The following NECTIN2 variants were observed in gnomAD, a reference collection of about 807,000 sequenced individuals.
NECTIN2 encodes nectin cell adhesion molecule 2.
A neutral mutation model predicts 56.9 loss-of-function variants in NECTIN2; 23 were observed. The observed-to-expected ratio is 0.40, with a 90% confidence interval of 0.29 to 0.57. The LOEUF (loss-of-function observed/expected upper bound fraction) is 0.57, where lower values mean the gene tolerates loss of function less well. NECTIN2 is among the 20% of genes least tolerant of loss of function. The probability of loss-of-function intolerance (pLI) is 0.38; values close to 1 mark genes in which losing one functional copy is unlikely to be tolerated. For synonymous variants in NECTIN2, 302 were observed against 313.8 expected (o/e 0.96, Z 0.40); for missense variants, 587 against 718.3 (o/e 0.82, Z 2.09).
chr19:44,858,048 C>A (rs1382775176), intron 1 of NECTIN2, among the ~76,000 whole-genome samples: 1 of 152,194 alleles, frequency 6.6e-6, no homozygotes, highest in Non-Finnish European at 1.5e-5. Flanking sequence ...GGAACCACTG[C>A]CTCGGGCATG....
intron 5 of NECTIN2, among the ~76,000 whole-genome samples, chr19:44,881,301 C>T (rs933471175): frequency 2.6e-5 from 4 of 152,086 alleles, no homozygotes; most frequent in Non-Finnish European, 5.9e-5. Flanking sequence ...GTCTTCTAGC[C>T]GCCCCTGGTC....
At chr19:44,879,894 G>A (rs940098221) in intron 5 of NECTIN2, among the ~76,000 whole-genome samples, 6 of 152,208 alleles carry the variant, frequency 3.9e-5, no homozygotes, top group Non-Finnish European at 8.8e-5. Flanking sequence ...CACAGACCCA[G>A]TGCCGTCCTC....
At chr19:44,882,124 G>A (rs1486981514) in intron 5 of NECTIN2, 87 bp from the exon 6 acceptor site, 3 of 1,205,794 alleles carry the variant, frequency 2.5e-6, no homozygotes, top group Admixed American at 3.6e-5. Context: ...AGACAGGCAG[G>A]CGATGATGTG....
intron 2 of NECTIN2, among the ~76,000 whole-genome samples, chr19:44,870,991 A>G (rs973012306): frequency 1.3e-5 from 2 of 152,048 alleles, no homozygotes; most frequent in African/African-American, 4.8e-5. Context: ...GGGCCTCCCA[A>G]AGTGCTGGGA....
Position 44,886,202 on chromosome 19 carries a change from G to A in NECTIN2, c.1330G>A (p.Ala444Thr), listed in dbSNP as rs533933961. ...PLKTPYFDAGASCTEQEMPRY... is the reference protein window; with the variant it reads ...PLKTPYFDAGTSCTEQEMPRY... Reference sequence around the variant, plus strand: ...CAAGACCCCCTACTTTGATGCTGGCGCCTCATGCACTGAGCAGGTAGGAGC... The same window carrying A: ...CAAGACCCCCTACTTTGATGCTGGCACCTCATGCACTGAGCAGGTAGGAGC... The change falls in exon 8 of 9, where the codon GCC becomes ACC. Residue 444 changes from alanine (A) to threonine (T), a missense_variant. Coordinates refer to ENST00000252483, the MANE Select transcript of NECTIN2 (RefSeq NM_001042724.2). 6.1e-5 allele frequency: 98 copies of A among 1,611,928 alleles called. 1 individual carries two copies. Among genetic ancestry groups the A allele is most frequent in the East Asian group, 5.8e-4 (26 of 44,880 alleles).
In NECTIN2 at chr19:44,846,477, G is replaced by A; in HGVS notation, c.-49G>A. 1 of 1,419,894 alleles carries A rather than the reference G, an allele frequency of 7.0e-7. No individual in the cohort carries two copies. Among genetic ancestry groups the A allele is most frequent in the Non-Finnish European group, 9.1e-7 (1 of 1,097,506 alleles). The allele number at this position is 1,419,894 out of a possible 1,614,324, so 88.0% of individuals were successfully genotyped here. ...ACCGCCCAGCCGATCGGCCCCCACA[G>A]AGTGGCCCGCGGGCCTCCGGCCGGG... On this transcript the variant is annotated 5_prime_UTR_variant, in exon 1 of 9. Transcript: ENST00000252483.
Position 44,874,139 on chromosome 19 carries a change from G to T in NECTIN2, c.893+106G>T. 8.3e-7 allele frequency: 1 copy of T among 1,205,730 alleles called. No homozygotes were observed. Among genetic ancestry groups the T allele is most frequent in the East Asian group, 2.4e-5 (1 of 42,044 alleles). 74.7% of individuals were successfully genotyped at this position (1,205,730 alleles called of 1,614,324 possible). A position where few individuals can be genotyped will look rare whatever the true frequency, so the allele number is the denominator to read the frequency against. On this transcript the variant is annotated intron_variant, in intron 4 of 8. Coordinates refer to ENST00000252483, the MANE Select transcript of NECTIN2 (RefSeq NM_001042724.2). The surrounding 1 kb of genome is among the most constrained non-coding windows in gnomAD (Gnocchi z 6.3). ...GCTGGGGGCCTGGACTCCTGGATCT[G>T]AGGGAGGAGGGGCTGGGCCTAAATT...
rs928195226 is a variant in NECTIN2 at position 44,861,079 on chromosome 19, C to G, written c.89-4192C>G. On this transcript the variant is annotated intron_variant, in intron 1 of 8. Transcript: ENST00000252483. Reference sequence around the variant, plus strand: ...AACATCATTAATCATCAGAGAAATGCAAATTTAAACCACAATGAGGTGCCA... The same window carrying G: ...AACATCATTAATCATCAGAGAAATGGAAATTTAAACCACAATGAGGTGCCA... Among the ~76,000 whole-genome samples the G allele has an allele frequency of 4.6e-5, 7 of 151,902 alleles. No individual in the cohort carries two copies. The East Asian group carries it at 1.3e-3, about 29-fold the overall frequency.
intron 1 of NECTIN2, among the ~76,000 whole-genome samples, chr19:44,859,029 G>A (rs1302927907): frequency 1.3e-5 from 2 of 152,194 alleles, no homozygotes; most frequent in African/African-American, 4.8e-5. Context: ...CCCCACCCAA[G>A]GGGACTGCCT....
At chr19:44,886,817 G>A (rs1385258454) in intron 8 of NECTIN2, among the ~76,000 whole-genome samples, 1 of 152,162 alleles carries the variant, frequency 6.6e-6, no homozygotes, top group Non-Finnish European at 1.5e-5. Context: ...AAGGTAGCTG[G>A]ACCCCTTGAG....
At chr19:44,883,808 G>C (rs1047599798) in intron 6 of NECTIN2, among the ~76,000 whole-genome samples, 1 of 152,124 alleles carries the variant, frequency 6.6e-6, no homozygotes, top group Non-Finnish European at 1.5e-5. Flanking sequence ...CCAGGTGACA[G>C]AGCAAGACCC....
Position 44,874,418 on chromosome 19 carries a change from G to C in NECTIN2, c.982G>C (p.Val328Leu), listed in dbSNP as rs748189641. ...AVDSLFNTTF[V>L]CTVTNAVGMG... The stretch of plus-strand genomic sequence containing the variant: ...GGACAGTCTGTTCAATACCACCTTC[G>C]TCTGCACAGTCACCAATGCCGTGGG... The change falls in exon 5 of 9, where the codon GTC becomes CTC. Residue 328 changes from valine (V) to leucine (L), a missense_variant. Transcript: ENST00000252483. The surrounding 1 kb of genome is among the most constrained non-coding windows in gnomAD (Gnocchi z 6.3). 6.2e-7 allele frequency: 1 copy of C among 1,614,060 alleles called. No homozygotes were observed. The highest frequency in any genetic ancestry group is 1.1e-5 in the South Asian group (1 of 91,078).
chr19:44,865,769 T>G lies in NECTIN2; in HGVS notation c.478+109T>G. 8.0e-7 allele frequency: 1 copy of G among 1,246,764 alleles called. No individual in the cohort carries two copies. Among genetic ancestry groups the G allele is most frequent in the Non-Finnish European group, 1.1e-6 (1 of 931,140 alleles). 77.2% of individuals were successfully genotyped at this position (1,246,764 alleles called of 1,614,324 possible). On this transcript the variant is annotated intron_variant, in intron 2 of 8. Coordinates refer to ENST00000252483, the MANE Select transcript of NECTIN2 (RefSeq NM_001042724.2). The surrounding 1 kb of genome is among the most constrained non-coding windows in gnomAD (Gnocchi z 5.2). Reference sequence around the variant, plus strand: ...CTTCAGCTGTGAGGTTCACATTCTCTGTGGGTTTCCATCCATCAGCAAATG... The same window carrying G: ...CTTCAGCTGTGAGGTTCACATTCTCGGTGGGTTTCCATCCATCAGCAAATG...
At position 44,865,716 on chromosome 19, in the gene NECTIN2, T is replaced by G; in HGVS notation, c.478+56T>G. The G allele has an allele frequency of 6.9e-7, 1 of 1,447,242 alleles. No homozygotes were observed. Among genetic ancestry groups the G allele is most frequent in the Non-Finnish European group, 9.1e-7 (1 of 1,098,036 alleles). The allele number at this position is 1,447,242 out of a possible 1,614,324, so 89.7% of individuals were successfully genotyped here. Reference sequence around the variant, plus strand: ...GTGGGAGGGCCGCGGTGTGGGAGCATCCCCTTGCGGGTCAGTTTCTCTCTT... The same window carrying G: ...GTGGGAGGGCCGCGGTGTGGGAGCAGCCCCTTGCGGGTCAGTTTCTCTCTT... On this transcript the variant is annotated intron_variant, in intron 2 of 8. Transcript: ENST00000252483. The surrounding 1 kb of genome is among the most constrained non-coding windows in gnomAD (Gnocchi z 5.2).
At chr19:44,850,625 A>G (rs980403046) in intron 1 of NECTIN2, among the ~76,000 whole-genome samples, 10 of 152,140 alleles carry the variant, frequency 6.6e-5, no homozygotes, top group African/African-American at 2.2e-4. Flanking sequence ...ACCCTGGGCA[A>G]CAAAGCAAGA....
chr19:44,878,047 C>T (rs925131627), intron 5 of NECTIN2, among the ~76,000 whole-genome samples: 2 of 150,206 alleles, frequency 1.3e-5, no homozygotes, highest in African/African-American at 4.9e-5. Context: ...TTCCCCACCC[C>T]CCTCCTCCTC....
chr19:44,861,675 A>C (rs1388306468), intron 1 of NECTIN2, among the ~76,000 whole-genome samples: 1 of 152,202 alleles, frequency 6.6e-6, no homozygotes, highest in Non-Finnish European at 1.5e-5. Flanking sequence ...GAAAAACCTA[A>C]AAAAGTGGGC....
In NECTIN2 at chr19:44,872,401, A is replaced by T. The variant is rs546772156; in HGVS notation, c.775+252A>T. On this transcript the variant is annotated intron_variant, in intron 3 of 8. Transcript: ENST00000252483. Reference sequence around the variant, plus strand: ...TGGTAACCTGGGATGGGCTTGCAAGAGCCAGTTTGATACATTTCTTTCCAA... The same window carrying T: ...TGGTAACCTGGGATGGGCTTGCAAGTGCCAGTTTGATACATTTCTTTCCAA... Among the ~76,000 whole-genome samples the T allele has an allele frequency of 2.6e-4, 40 of 152,080 alleles. 1 individual carries two copies. Among genetic ancestry groups the T allele is most frequent in the African/African-American group, 9.4e-4 (39 of 41,480 alleles).
At chr19:44,887,441 C>T (rs896948183) in intron 8 of NECTIN2, among the ~76,000 whole-genome samples, 9 of 151,934 alleles carry the variant, frequency 5.9e-5, no homozygotes, top group African/African-American at 1.9e-4. Flanking sequence ...TCAGGAGTTC[C>T]AAGACCAGCC....
Sources: allele counts gnomAD v4.1 joint callset (sites outside exome capture counted in the v4.1 genomes callset), GRCh38; gene constraint gnomAD v4.1.1; non-coding constraint Gnocchi (gnomAD v3.1); transcripts MANE v1.5; gene names NCBI Gene and HGNC (gene_info 2026-07-23, HGNC 2026-07-21).